Variants in ASCC3 observed in about 807,000 individuals in gnomAD.
The protein encoded by ASCC3 is activating signal cointegrator 1 complex subunit 3.
ASCC3 carries 158 observed loss-of-function variants against 256.3 expected under a neutral mutation model. That is an observed-to-expected ratio of 0.62 (90% CI 0.54 to 0.70). The LOEUF (loss-of-function observed/expected upper bound fraction) is 0.70. ASCC3 is among the 30% of genes least tolerant of loss of function. ASCC3 has a pLI of 0.00. For missense variants in ASCC3, 2,259 were observed against 2,626.0 expected, an observed-to-expected ratio of 0.86 and a Z score of 3.05; for synonymous variants, 948 against 883.4, an observed-to-expected ratio of 1.07 and a Z score of -1.30.
At chr6:100,743,814 G>A (rs11155631) in intron 10 of ASCC3, among the ~76,000 whole-genome samples, 9,528 of 152,074 alleles carry the variant, frequency 0.063, 438 homozygotes, top group Non-Finnish European at 0.097. Flanking sequence ...AAGATGAAAA[G>A]ATAACAGTAC....
chr6:100,625,442 G>A, intron 29 of ASCC3, 108 bp from the exon 30 acceptor site: 1 of 1,308,228 alleles, frequency 7.6e-7, no homozygotes, highest in Non-Finnish European at 1.1e-6. Flanking sequence ...AAACAATTTA[G>A]GCATGAAATG....
chr6:100,662,887 C>T (rs1776293027), intron 14 of ASCC3, among the ~76,000 whole-genome samples: 1 of 152,004 alleles, frequency 6.6e-6, no homozygotes, highest in Non-Finnish European at 1.5e-5. Context: ...CTTCTCAACT[C>T]CTTAAGAGTA....
chr6:100,630,482 GTT>G, intron 26 of ASCC3, among the ~76,000 whole-genome samples: 1 of 128,368 alleles, frequency 7.8e-6, no homozygotes, highest in East Asian at 2.3e-4. Flanking sequence ...TTTTTTTTTT[GTT>G]TTTTTTTTTT....
At chr6:100,803,231 C>T (rs1770009446) in intron 5 of ASCC3, among the ~76,000 whole-genome samples, 1 of 152,002 alleles carries the variant, frequency 6.6e-6, no homozygotes, top group African/African-American at 2.4e-5. Context: ...GGCTTTATGT[C>T]CCCATACAAA....
intron 8 of ASCC3, among the ~76,000 whole-genome samples, chr6:100,790,438 C>T (rs1347512684): frequency 1.3e-5 from 2 of 151,908 alleles, no homozygotes; most frequent in East Asian, 1.9e-4. Flanking sequence ...GAAATTATTA[C>T]TGATGACCAA....
chr6:100,534,570 C>A (rs562114856), intron 37 of ASCC3, among the ~76,000 whole-genome samples: 33 of 152,184 alleles, frequency 2.2e-4, no homozygotes, highest in African/African-American at 7.9e-4. Context: ...CATAAATATG[C>A]AATTTACAAA....
chr6:100,632,428 T>C (rs770930393), intron 25 of ASCC3, among the ~76,000 whole-genome samples: 1 of 151,920 alleles, frequency 6.6e-6, no homozygotes, highest in Admixed American at 6.6e-5. Context: ...GCAATCCTTA[T>C]CAGAATTCTA....
chr6:100,670,838 T>C (rs565770388), intron 14 of ASCC3, among the ~76,000 whole-genome samples: 2 of 152,158 alleles, frequency 1.3e-5, no homozygotes, highest in South Asian at 4.1e-4. Context: ...TTCTAATGTA[T>C]ATCATTGCAA....
intron 36 of ASCC3, among the ~76,000 whole-genome samples, chr6:100,584,893 T>C (rs998702875): frequency 5.0e-4 from 76 of 152,240 alleles, no homozygotes; most frequent in South Asian, 1.7e-3. Context: ...CTTTTAAGAA[T>C]GTTGAATATT....
At chr6:100,631,661 T>C (rs1774552704) in intron 25 of ASCC3, among the ~76,000 whole-genome samples, 2 of 151,940 alleles carry the variant, frequency 1.3e-5, no homozygotes, top group South Asian at 4.1e-4. Context: ...AATGTACTGA[T>C]GTTGAAGTTT....
intron 10 of ASCC3, among the ~76,000 whole-genome samples, chr6:100,757,620 TA>T (rs1781241038): frequency 4.6e-5 from 7 of 152,170 alleles, no homozygotes; most frequent in Non-Finnish European, 1.5e-5. Context: ...CTTATAATTT[TA>T]AGTCTATATG....
rs1777209695 is a variant in ASCC3, at chr6:100,679,855, A to C, written c.2152-103T>G. On this transcript the variant is annotated intron_variant, in intron 13 of 41. Coordinates refer to ENST00000369162, the MANE Select transcript of ASCC3 (RefSeq NM_006828.4). Reference sequence around the variant, plus strand: ...ATATAAACAACTATTAATTTCTCAAAACATAATCACAAATTTACGAATTCT... The same window carrying C: ...ATATAAACAACTATTAATTTCTCAACACATAATCACAAATTTACGAATTCT... 5 of 1,293,764 alleles carry C rather than the reference A, an allele frequency of 3.9e-6. No homozygotes were observed. In the Admixed American group the frequency reaches 5.4e-5, roughly 14 times the overall value. The allele number at this position is 1,293,764 out of a possible 1,614,324, so 80.1% of individuals were successfully genotyped here. A position where few individuals can be genotyped will look rare whatever the true frequency, so the allele number is the denominator to read the frequency against.
rs138264583 is a variant in ASCC3, at chr6:100,817,216, T to G, written c.802-11336A>C. ...CATTGGAAAACTTACAAATACGTGT[T>G]AAATATGTGAGATGAATGAAAATAA... On this transcript the variant is annotated intron_variant, in intron 4 of 41. Transcript: ENST00000369162. 3.9e-4 allele frequency among the ~76,000 whole-genome samples: 60 copies of G among 151,956 alleles called. 1 individual carries two copies. The highest frequency in any genetic ancestry group is 1.4e-3 in the African/African-American group (59 of 41,484).
intron 3 of ASCC3, among the ~76,000 whole-genome samples, chr6:100,850,202 A>G (rs1772596545): frequency 6.6e-6 from 1 of 151,828 alleles, no homozygotes; most frequent in Non-Finnish European, 1.5e-5. Context: ...ACACTGCCAG[A>G]AGCTGACCCC....
intron 25 of ASCC3, among the ~76,000 whole-genome samples, chr6:100,638,232 A>G (rs577873806): frequency 6.6e-6 from 1 of 152,340 alleles, no homozygotes; most frequent in Non-Finnish European, 1.5e-5. Context: ...AAGACTCACT[A>G]TAAGGCTGAG....
intron 25 of ASCC3, among the ~76,000 whole-genome samples, chr6:100,637,614 T>A (rs559212168): frequency 5.3e-5 from 8 of 152,190 alleles, no homozygotes; most frequent in African/African-American, 1.9e-4. Context: ...CTGGAAAGAA[T>A]TCACCATTCT....
chr6:100,723,898 T>TATATATA (rs1279559281), intron 11 of ASCC3, among the ~76,000 whole-genome samples: 2 of 106,258 alleles, frequency 1.9e-5, no homozygotes, highest in Middle Eastern at 5.4e-3. Context: ...ATATATATAT[T>TATATATA]TATAATTATA....
At chr6:100,651,472 AGCTT>A in intron 19 of ASCC3, 84 bp downstream of exon 19, 1 of 590,604 alleles carries the variant, frequency 1.7e-6, no homozygotes. Flanking sequence ...TGTGCCATAC[AGCTT>A]ATATGGTATT....
At chr6:100,705,643 T>C (rs979345668) in intron 13 of ASCC3, among the ~76,000 whole-genome samples, 4 of 151,934 alleles carry the variant, frequency 2.6e-5, no homozygotes, top group African/African-American at 9.7e-5. Flanking sequence ...GTATTCACTT[T>C]TTTTTAACTG....
Sources: allele counts gnomAD v4.1 joint callset (sites outside exome capture counted in the v4.1 genomes callset), GRCh38; gene constraint gnomAD v4.1.1; transcripts MANE v1.5; gene names NCBI Gene and HGNC (gene_info 2026-07-23, HGNC 2026-07-21).